Variants in TAFA1 observed in about 807,000 individuals in gnomAD.
TAFA1 encodes TAFA chemokine like family member 1.
A neutral mutation model predicts 18.5 loss-of-function variants in TAFA1; 4 were observed. The ratio of observed to expected loss-of-function variants is 0.22; its 90% CI spans 0.11 to 0.49. TAFA1 has a LOEUF of 0.49. Among genes scored for constraint, TAFA1 ranks in the 20% least tolerant of loss-of-function variants. The probability of loss-of-function intolerance (pLI) is 0.98; values close to 1 mark genes in which losing one functional copy is unlikely to be tolerated. For missense variants in TAFA1, 147 were observed against 169.0 expected (o/e 0.87, Z 0.72); for synonymous variants, 56 against 55.2 (o/e 1.01, Z -0.06).
At chr3:68,295,312 G>A (rs1321161592) in intron 2 of TAFA1, among the ~76,000 whole-genome samples, 1 of 152,064 alleles carries the variant, frequency 6.6e-6, no homozygotes, top group Non-Finnish European at 1.5e-5. Flanking sequence ...CCTAAAGTTA[G>A]GATGCAGTGG....
chr3:68,501,547 T>C (rs1436395753), intron 3 of TAFA1, among the ~76,000 whole-genome samples: 2 of 152,232 alleles, frequency 1.3e-5, no homozygotes, highest in African/African-American at 4.8e-5. Flanking sequence ...TTGGAAATTA[T>C]GTTTGTTTAC....
intron 2 of TAFA1, among the ~76,000 whole-genome samples, chr3:68,235,216 C>T (rs2066914736): frequency 2.0e-5 from 3 of 152,094 alleles, no homozygotes; most frequent in African/African-American, 7.2e-5. Context: ...TATTTTATTC[C>T]AACCGATGAA....
intron 3 of TAFA1, among the ~76,000 whole-genome samples, chr3:68,518,333 C>G (rs1398445711): frequency 6.6e-6 from 1 of 152,118 alleles, no homozygotes; most frequent in Non-Finnish European, 1.5e-5. Flanking sequence ...GCCAATTCTC[C>G]CTAAATTCTC....
chr3:68,044,498 C>G (rs2106686550), intron 2 of TAFA1, among the ~76,000 whole-genome samples: 1 of 152,330 alleles, frequency 6.6e-6, no homozygotes, highest in Non-Finnish European at 1.5e-5. Flanking sequence ...ACCTCCCTGA[C>G]TTCACCTCCT....
At chr3:68,331,118 AAGTACT>A (rs3033745) in intron 2 of TAFA1, among the ~76,000 whole-genome samples, 52,122 of 151,838 alleles carry the variant, frequency 0.34, 9,226 homozygotes, top group South Asian at 0.53. Context: ...TAAAAATATT[AAGTACT>A]AGTACATGCT....
At chr3:68,400,748 A>G (rs944599484) in intron 2 of TAFA1, among the ~76,000 whole-genome samples, 2 of 152,226 alleles carry the variant, frequency 1.3e-5, no homozygotes, top group Admixed American at 6.5e-5. Context: ...TTACCTAATT[A>G]ATTCCTAACT....
chr3:68,008,383 C>G (rs1704405943), intron 2 of TAFA1, among the ~76,000 whole-genome samples: 1 of 152,328 alleles, frequency 6.6e-6, no homozygotes, highest in South Asian at 2.1e-4. Flanking sequence ...CATCTGCATT[C>G]GTTGTGATGA....
chr3:68,100,020 C>A (rs559087529), intron 2 of TAFA1, among the ~76,000 whole-genome samples: 4 of 152,138 alleles, frequency 2.6e-5, no homozygotes, highest in African/African-American at 7.2e-5. Flanking sequence ...GGGAGAGGGA[C>A]AAGAGCTGAA....
intron 2 of TAFA1, among the ~76,000 whole-genome samples, chr3:68,168,308 A>C (rs1200866898): frequency 6.6e-6 from 1 of 152,194 alleles, no homozygotes; most frequent in African/African-American, 2.4e-5. Flanking sequence ...AAAAATCTGA[A>C]TATGTGCTAT....
intron 2 of TAFA1, among the ~76,000 whole-genome samples, chr3:68,076,329 TAA>T (rs1185108246): frequency 2.0e-5 from 3 of 152,092 alleles, no homozygotes; most frequent in Non-Finnish European, 2.9e-5. Context: ...AATTATACTT[TAA>T]GTTTTAGGGT....
At chr3:68,542,386 A>G (rs1478788681) in intron 4 of TAFA1, among the ~76,000 whole-genome samples, 3 of 152,142 alleles carry the variant, frequency 2.0e-5, no homozygotes, top group African/African-American at 7.2e-5. Flanking sequence ...AATATTGACT[A>G]GAGATTTTAT....
chr3:68,067,203 T>G (rs1285619636), intron 2 of TAFA1, among the ~76,000 whole-genome samples: 1 of 152,202 alleles, frequency 6.6e-6, no homozygotes, highest in East Asian at 1.9e-4. Flanking sequence ...TTGGTCCTTG[T>G]TTTGAATTCC....
intron 2 of TAFA1, among the ~76,000 whole-genome samples, chr3:68,327,322 G>A (rs911384524): frequency 1.3e-5 from 2 of 152,122 alleles, no homozygotes; most frequent in African/African-American, 4.8e-5. Flanking sequence ...TTAACCGGGA[G>A]ACTATTTCAG....
In TAFA1 at chr3:68,530,416, A is replaced by G. The variant is rs192192641; in HGVS notation, c.260-8340A>G. 7.2e-5 allele frequency among the ~76,000 whole-genome samples: 11 copies of G among 152,350 alleles called. No homozygotes were observed. The East Asian group carries it at 2.1e-3, about 29-fold the overall frequency. On this transcript the variant is annotated intron_variant, in intron 3 of 4. Transcript: ENST00000478136. The stretch of plus-strand genomic sequence containing the variant: ...ATGACCTAGTATAAGGGAAAAATCA[A>G]GACTCATGATTAAAGAAGCTTTAGT...
chr3:68,508,935 C>T (rs752082584), intron 3 of TAFA1, among the ~76,000 whole-genome samples: 15 of 151,810 alleles, frequency 9.9e-5, no homozygotes, highest in Non-Finnish European at 1.8e-4. Flanking sequence ...GGAAGAAGAG[C>T]AGAGGCCCAA....
intron 2 of TAFA1, among the ~76,000 whole-genome samples, chr3:68,379,382 GCTGGATATTAGACCATTGTC>G (rs770755812): frequency 5.9e-5 from 9 of 152,160 alleles, no homozygotes; most frequent in Non-Finnish European, 1.0e-4. Context: ...CCTTACAAAT[GCTGGATATTAGACCATTGTC>G]AGATGCACAG....
chr3:67,992,310 ATT>A, the TAFA1 span, among the ~76,000 whole-genome samples: 93 of 152,344 alleles, frequency 6.1e-4, no homozygotes, highest in African/African-American at 2.2e-3. Context: ...TGAAACATCT[ATT>A]TGGCAAGGTT....
chr3:68,260,954 A>C (rs2067407137), intron 2 of TAFA1, among the ~76,000 whole-genome samples: 1 of 152,192 alleles, frequency 6.6e-6, no homozygotes. Flanking sequence ...TCTGCACAGC[A>C]AAAGAAACTA....
At chr3:68,470,419 G>A (rs917055578) in intron 3 of TAFA1, among the ~76,000 whole-genome samples, 2 of 152,202 alleles carry the variant, frequency 1.3e-5, no homozygotes, top group Non-Finnish European at 2.9e-5. Context: ...GCAGAGGTTG[G>A]AACAGTTTAG....
Sources: gnomAD v4.1 joint callset for allele counts (sites outside exome capture counted in the v4.1 genomes callset) on GRCh38, gnomAD v4.1.1 for gene constraint, MANE v1.5 for transcripts, NCBI Gene and HGNC (gene_info 2026-07-23, HGNC 2026-07-21) for gene names.